The following NAALADL2 variants were observed in gnomAD, a reference collection of about 807,000 sequenced individuals.
The protein encoded by NAALADL2 is N-acetylated alpha-linked acidic dipeptidase like 2.
In NAALADL2, 76 loss-of-function variants were observed where a neutral mutation model predicts 87.2. The ratio of observed to expected loss-of-function variants is 0.87; its 90% confidence interval spans 0.72 to 1.05. NAALADL2 has a LOEUF of 1.05. NAALADL2 is among the 50% of genes least tolerant of loss of function. The pLI, the probability that NAALADL2 is intolerant of heterozygous loss-of-function variation, is 0.00. For synonymous variants in NAALADL2, 354 were observed against 331.0 expected, an observed-to-expected ratio of 1.07 and a Z score of -0.75; for missense variants, 1,089 against 945.8, an observed-to-expected ratio of 1.15 and a Z score of -1.99.
intron 13 of NAALADL2, among the ~76,000 whole-genome samples, chr3:175,786,751 G>T (rs367890067): frequency 6.6e-6 from 1 of 151,788 alleles, no homozygotes; most frequent in East Asian, 1.9e-4. Context: ...GAGGAACTGC[G>T]TTCCTTTGGA....
intron 11 of NAALADL2, chr3:175,675,372 G>C (rs920344251): frequency 6.6e-6 from 1 of 152,190 alleles, no homozygotes; most frequent in Non-Finnish European, 1.5e-5. Context: ...AGTGTGAATA[G>C]TGGTACAAAT....
chr3:174,542,760 A>T (rs1463895269), intron 1 of NAALADL2, among the ~76,000 whole-genome samples: 2 of 152,176 alleles, frequency 1.3e-5, no homozygotes, highest in African/African-American at 4.8e-5. Context: ...TCTTATGCTG[A>T]TGAACAGCAA....
At chr3:175,172,639 A>G (rs553044595) in intron 2 of NAALADL2, among the ~76,000 whole-genome samples, 2 of 152,326 alleles carry the variant, frequency 1.3e-5, no homozygotes, top group Non-Finnish European at 2.9e-5. Flanking sequence ...ATACATGAGT[A>G]AGACACAAAG....
intron 5 of NAALADL2, among the ~76,000 whole-genome samples, chr3:175,346,431 A>C (rs564049572): frequency 1.3e-5 from 2 of 152,162 alleles, no homozygotes; most frequent in African/African-American, 4.8e-5. Flanking sequence ...CAATGAGCGC[A>C]CCAAAAAACT....
At chr3:174,495,801 T>A (rs777444204) in intron 1 of NAALADL2, among the ~76,000 whole-genome samples, 1 of 151,756 alleles carries the variant, frequency 6.6e-6, no homozygotes, top group Admixed American at 6.6e-5. Flanking sequence ...TACTTCTAAT[T>A]TAGTACTATT....
chr3:174,834,709 C>T (rs1723131260), intron 3 of NAALADL2, among the ~76,000 whole-genome samples: 1 of 151,680 alleles, frequency 6.6e-6, no homozygotes, highest in Non-Finnish European at 1.5e-5. Flanking sequence ...ATCATTCAGT[C>T]ATAGAATGCT....
At chr3:175,273,256 A>G (rs1487639393) in intron 4 of NAALADL2, among the ~76,000 whole-genome samples, 1 of 152,098 alleles carries the variant, frequency 6.6e-6, no homozygotes, top group Non-Finnish European at 1.5e-5. Context: ...TTGTTTGTGT[A>G]TTTATGTTCT....
At chr3:174,558,793 C>T (rs536172178) in intron 2 of NAALADL2, among the ~76,000 whole-genome samples, 50 of 152,216 alleles carry the variant, frequency 3.3e-4, no homozygotes, top group African/African-American at 5.8e-4. Flanking sequence ...TCTGCTAGAA[C>T]GCAATTTCAT....
chr3:175,068,417 C>T (rs1007771229), intron 1 of NAALADL2, among the ~76,000 whole-genome samples: 10 of 152,088 alleles, frequency 6.6e-5, no homozygotes, highest in African/African-American at 2.2e-4. Flanking sequence ...AAAGTATATG[C>T]ATAATATTCA....
chr3:175,504,837 G>A (rs1730076175), intron 9 of NAALADL2, among the ~76,000 whole-genome samples: 2 of 152,090 alleles, frequency 1.3e-5, no homozygotes, highest in South Asian at 4.1e-4. Context: ...TTGAGGTAAT[G>A]TTCAAAAAAT....
intron 13 of NAALADL2, among the ~76,000 whole-genome samples, chr3:175,794,017 A>T (rs1259553388): frequency 6.6e-6 from 1 of 152,230 alleles, no homozygotes; most frequent in Admixed American, 6.5e-5. Flanking sequence ...AATGAAAAAA[A>T]TAAAGCTGAA....
chr3:175,689,712 C>T (rs1295689584), intron 11 of NAALADL2, among the ~76,000 whole-genome samples: 2 of 152,080 alleles, frequency 1.3e-5, no homozygotes, highest in African/African-American at 2.4e-5. Context: ...TTGCACTGGT[C>T]TCCGATGTTT....
In NAALADL2 at chr3:174,873,922, G is replaced by C. The variant is rs536343169; in HGVS notation, c.43+14472G>C. 2.6e-5 allele frequency among the ~76,000 whole-genome samples: 4 copies of C among 151,828 alleles called. No homozygotes were observed. The South Asian group carries it at 6.2e-4, about 24-fold the overall frequency. ...ATTCTGCCATCAAATAAATGAAAAG[G>C]GTATTTCAAGAATAAGAAACCAGTT... is the stretch of plus-strand genomic sequence containing the variant. On this transcript the variant is annotated intron_variant, in intron 1 of 13. Coordinates refer to ENST00000454872, the MANE Select transcript of NAALADL2 (RefSeq NM_207015.3).
At chr3:175,051,603 G>T (rs1755398564) in intron 1 of NAALADL2, among the ~76,000 whole-genome samples, 1 of 152,186 alleles carries the variant, frequency 6.6e-6, no homozygotes, top group South Asian at 2.1e-4. Context: ...AGTTAGCTAA[G>T]GCAGAGGTTT....
intron 3 of NAALADL2, among the ~76,000 whole-genome samples, chr3:174,825,754 A>C (rs2109347540): frequency 6.6e-6 from 1 of 152,278 alleles, no homozygotes; most frequent in East Asian, 1.9e-4. Flanking sequence ...AGGGCCAGGC[A>C]CAGTGGCTCA....
At chr3:174,630,675 T>G (rs1014134898) in intron 2 of NAALADL2, among the ~76,000 whole-genome samples, 2 of 152,178 alleles carry the variant, frequency 1.3e-5, no homozygotes, top group Non-Finnish European at 2.9e-5. Context: ...TAATTACATT[T>G]ATCACTTCAA....
chr3:174,668,027 C>T (rs1328913915), intron 2 of NAALADL2, among the ~76,000 whole-genome samples: 1 of 151,954 alleles, frequency 6.6e-6, no homozygotes, highest in African/African-American at 2.4e-5. Flanking sequence ...CCTTGCAAAA[C>T]TTGTTCTGTT....
chr3:174,804,270 T>A (rs1297158088), intron 3 of NAALADL2, among the ~76,000 whole-genome samples: 1 of 152,088 alleles, frequency 6.6e-6, no homozygotes, highest in Non-Finnish European at 1.5e-5. Flanking sequence ...GGTCTCTGTT[T>A]GTCTATTGTT....
At chr3:175,274,283 C>T (rs1401418453) in intron 4 of NAALADL2, among the ~76,000 whole-genome samples, 1 of 152,114 alleles carries the variant, frequency 6.6e-6, no homozygotes, top group African/African-American at 2.4e-5. Context: ...GAAAATCCCA[C>T]GTCCATGATA....
Sources: gnomAD v4.1 joint callset for allele counts (sites outside exome capture counted in the v4.1 genomes callset) on GRCh38, gnomAD v4.1.1 for gene constraint, MANE v1.5 for transcripts, NCBI Gene and HGNC (gene_info 2026-07-23, HGNC 2026-07-21) for gene names.